The following GABRB1 variants were observed in gnomAD, a reference collection of about 807,000 sequenced individuals.
GABRB1 encodes gamma-aminobutyric acid receptor subunit beta-1.
A neutral mutation model predicts 51.6 loss-of-function variants in GABRB1; 17 were observed. That is an observed-to-expected ratio of 0.33 (90% CI 0.23 to 0.49). The LOEUF is 0.49. Ranked by LOEUF, GABRB1 falls within the 20% of genes least tolerant of loss-of-function variation. GABRB1 has a pLI of 0.99. For missense variants in GABRB1, 410 were observed against 600.6 expected (o/e 0.68, Z 3.32); for synonymous variants, 247 against 218.9 (o/e 1.13, Z -1.14).
At chr4:47,001,448 T>C (rs1445379903) in intron 1 of GABRB1, among the ~76,000 whole-genome samples, 1 of 152,208 alleles carries the variant, frequency 6.6e-6, no homozygotes, top group Non-Finnish European at 1.5e-5. Flanking sequence ...GGCCAGATAT[T>C]ATTTTCAATA....
chr4:47,155,129 T>C (rs1421795833), intron 3 of GABRB1, among the ~76,000 whole-genome samples: 3 of 152,052 alleles, frequency 2.0e-5, no homozygotes, highest in Admixed American at 6.6e-5. Context: ...AGCGGCCTCA[T>C]GTGAGATAGA....
At chr4:47,286,531 A>G (rs1009454222) in intron 4 of GABRB1, among the ~76,000 whole-genome samples, 1 of 152,166 alleles carries the variant, frequency 6.6e-6, no homozygotes, top group Non-Finnish European at 1.5e-5. Context: ...GCTACGCCAG[A>G]ACACTTCAAG....
At chr4:47,070,949 T>C (rs1577879951) in intron 3 of GABRB1, among the ~76,000 whole-genome samples, 3 of 152,322 alleles carry the variant, frequency 2.0e-5, no homozygotes, top group East Asian at 3.9e-4. Flanking sequence ...ATTTGTCTAA[T>C]ACGCATCTCA....
rs117406747 is a variant in GABRB1, at chr4:47,007,429, G to A, written c.-20+13503G>A. Among the ~76,000 whole-genome samples the A allele has an allele frequency of 4.0e-4, 61 of 152,234 alleles. No homozygotes were observed. The East Asian group carries it at 4.6e-3, about 12-fold the overall frequency. On this transcript the variant is annotated intron_variant, in intron 1 of 3. Transcript: ENST00000513567. The stretch of plus-strand genomic sequence containing the variant: ...ATTATAGTGGGATGTTTTAACATAC[G>A]CTTCTCAGTAACTAAAGGAACAAAC...
intron 4 of GABRB1, among the ~76,000 whole-genome samples, chr4:47,233,975 A>T (rs1721233287): frequency 6.6e-6 from 1 of 152,178 alleles, no homozygotes; most frequent in African/African-American, 2.4e-5. Context: ...CATGAAACCT[A>T]ATGATTGCCA....
At chr4:47,130,375 G>GTGTA (rs1553918090) in intron 3 of GABRB1, among the ~76,000 whole-genome samples, 6 of 83,118 alleles carry the variant, frequency 7.2e-5, no homozygotes, top group African/African-American at 2.5e-4. Context: ...GTGTGTGTGT[G>GTGTA]TGTGCTTTCT....
At chr4:47,204,135 G>T (rs1720018664) in intron 4 of GABRB1, among the ~76,000 whole-genome samples, 1 of 152,072 alleles carries the variant, frequency 6.6e-6, no homozygotes, top group Non-Finnish European at 1.5e-5. Flanking sequence ...TTTTGATGAG[G>T]TGATTAAATT....
intron 4 of GABRB1, among the ~76,000 whole-genome samples, chr4:47,206,018 A>G (rs1180874224): frequency 1.3e-5 from 2 of 151,986 alleles, no homozygotes; most frequent in East Asian, 3.9e-4. Flanking sequence ...GATTTTCTTA[A>G]TAAAACACTT....
intron 4 of GABRB1, among the ~76,000 whole-genome samples, chr4:47,294,640 G>A (rs1447564468): frequency 6.6e-6 from 1 of 152,366 alleles, no homozygotes; most frequent in Non-Finnish European, 1.5e-5. Flanking sequence ...AGCTCAAGGA[G>A]GCCTGTCTGC....
At chr4:47,190,097 C>A (rs1301205138) in intron 4 of GABRB1, among the ~76,000 whole-genome samples, 1 of 152,052 alleles carries the variant, frequency 6.6e-6, no homozygotes, top group South Asian at 2.1e-4. Flanking sequence ...TTAGAAGGAA[C>A]TTTGAATTCC....
intron 3 of GABRB1, among the ~76,000 whole-genome samples, chr4:47,142,392 T>C (rs1268140378): frequency 1.3e-5 from 2 of 151,848 alleles, no homozygotes; most frequent in Admixed American, 1.3e-4. Flanking sequence ...TTTATGGCTA[T>C]AAAAGAGAGT....
intron 3 of GABRB1, among the ~76,000 whole-genome samples, chr4:47,059,366 CTT>C (rs1726752592): frequency 2.0e-5 from 3 of 152,102 alleles, no homozygotes; most frequent in Admixed American, 2.0e-4. Flanking sequence ...GAGAAGGAGT[CTT>C]GTTACATTGC....
chr4:47,141,425 A>G (rs1408482949), intron 3 of GABRB1, among the ~76,000 whole-genome samples: 2 of 152,044 alleles, frequency 1.3e-5, no homozygotes, highest in East Asian at 3.9e-4. Context: ...CTCCACTTAG[A>G]TCAGATATTT....
chr4:47,260,343 T>C (rs917297604), intron 4 of GABRB1, among the ~76,000 whole-genome samples: 5 of 152,168 alleles, frequency 3.3e-5, no homozygotes, highest in Admixed American at 6.5e-5. Context: ...GTTAATATTG[T>C]TGTGTGTGAA....
rs1239681479 is a variant in GABRB1, at chr4:47,392,941, C to A, written c.545-10377C>A. On this transcript the variant is annotated intron_variant, in intron 5 of 8. Transcript: ENST00000295454. The stretch of plus-strand genomic sequence containing the variant: ...CTAGCTAGTTTAGTATGTATGCTAA[C>A]CTCCTTTGAGAAAGCTAACTACATC... Among the ~76,000 whole-genome samples, 9 of 152,202 alleles carry A rather than the reference C, an allele frequency of 5.9e-5. No homozygotes were observed. The East Asian group carries it at 1.3e-3, about 23-fold the overall frequency.
intron 4 of GABRB1, among the ~76,000 whole-genome samples, chr4:47,307,438 C>T (rs1223466935): frequency 2.0e-5 from 3 of 151,982 alleles, no homozygotes; most frequent in Non-Finnish European, 4.4e-5. Context: ...ACAAAATCCC[C>T]TTCCTATTTT....
intron 4 of GABRB1, among the ~76,000 whole-genome samples, chr4:47,238,062 T>C (rs1458330354): frequency 6.6e-6 from 1 of 151,912 alleles, no homozygotes; most frequent in East Asian, 1.9e-4. Flanking sequence ...TAGAAGAATA[T>C]ACAATAGCAT....
intron 4 of GABRB1, among the ~76,000 whole-genome samples, chr4:47,185,056 T>C (rs886302464): frequency 6.6e-6 from 1 of 151,846 alleles, no homozygotes; most frequent in African/African-American, 2.4e-5. Flanking sequence ...AAATAGGCAA[T>C]AAATGTATCT....
At chr4:47,106,338 G>A (rs1246216008) in intron 3 of GABRB1, among the ~76,000 whole-genome samples, 1 of 151,890 alleles carries the variant, frequency 6.6e-6, no homozygotes, top group Non-Finnish European at 1.5e-5. Context: ...AGCAGGGTAG[G>A]AATTTCTAGA....
Sources: allele counts gnomAD v4.1 joint callset (sites outside exome capture counted in the v4.1 genomes callset), GRCh38; gene constraint gnomAD v4.1.1; transcripts MANE v1.5; gene names NCBI Gene and HGNC (gene_info 2026-07-23, HGNC 2026-07-21).